The following CTNNA2 variants were observed in gnomAD, a reference collection of about 807,000 sequenced individuals.
CTNNA2 encodes the protein catenin alpha 2, also known as catenin alpha-2.
Under a neutral mutation model 101.0 loss-of-function variants are expected in CTNNA2, and 42 were observed. The observed-to-expected ratio is 0.42, with a 90% confidence interval of 0.32 to 0.54. The LOEUF (loss-of-function observed/expected upper bound fraction) is 0.54, where lower values mean the gene tolerates loss of function less well. Among genes scored for constraint, CTNNA2 ranks in the 20% least tolerant of loss-of-function variants. The pLI, the probability that CTNNA2 is intolerant of heterozygous loss-of-function variation, is 0.14. For synonymous variants in CTNNA2, 450 were observed against 456.4 expected, an observed-to-expected ratio of 0.99 and a Z score of 0.18; for missense variants, 871 against 1,223.1, an observed-to-expected ratio of 0.71 and a Z score of 4.29.
chr2:79,438,392 G>A (rs887642596), intron 4 of CTNNA2, among the ~76,000 whole-genome samples: 2 of 152,260 alleles, frequency 1.3e-5, no homozygotes, highest in East Asian at 3.9e-4. Context: ...GCCAGAGATG[G>A]CCTCCTTTTT....
chr2:79,505,735 G>A (rs989185436), intron 5 of CTNNA2, among the ~76,000 whole-genome samples: 1 of 152,204 alleles, frequency 6.6e-6, no homozygotes, highest in Non-Finnish European at 1.5e-5. Context: ...GTTAGAGTGG[G>A]AATAGATGGG....
chr2:80,602,872 T>C (rs886516497), intron 15 of CTNNA2, among the ~76,000 whole-genome samples: 1 of 152,110 alleles, frequency 6.6e-6, no homozygotes, highest in Non-Finnish European at 1.5e-5. Flanking sequence ...AAACCCAGTA[T>C]ATTTTACTTA....
At chr2:79,523,753 A>G (rs1672247846) in intron 1 of CTNNA2, among the ~76,000 whole-genome samples, 1 of 152,166 alleles carries the variant, frequency 6.6e-6, no homozygotes, top group African/African-American at 2.4e-5. Flanking sequence ...ATACGTGATA[A>G]TTTTAAACTT....
chr2:80,053,707 A>G (rs1002980417), intron 7 of CTNNA2, among the ~76,000 whole-genome samples: 3 of 151,990 alleles, frequency 2.0e-5, no homozygotes, highest in African/African-American at 4.8e-5. Context: ...CACACTTACA[A>G]CCTCCCTGAA....
chr2:79,503,907 A>G (rs374921265), intron 4 of CTNNA2, among the ~76,000 whole-genome samples: 10 of 152,190 alleles, frequency 6.6e-5, no homozygotes, highest in African/African-American at 2.4e-4. Context: ...GATCCTGATT[A>G]CCAAGGAGAA....
intron 2 of CTNNA2, among the ~76,000 whole-genome samples, chr2:79,733,700 A>G (rs116730755): frequency 0.036 from 5,528 of 152,240 alleles, 108 homozygotes; most frequent in South Asian, 0.051. Flanking sequence ...TACATGAAAC[A>G]GTAGTCAGGA....
intron 7 of CTNNA2, among the ~76,000 whole-genome samples, chr2:80,181,534 T>C (rs188294362): frequency 2.9e-4 from 44 of 152,270 alleles, no homozygotes; most frequent in African/African-American, 9.4e-4. Context: ...GTCAAGAGCT[T>C]GTGTCTGATT....
intron 4 of CTNNA2, among the ~76,000 whole-genome samples, chr2:79,864,846 G>A (rs1280259546): frequency 6.6e-6 from 1 of 152,102 alleles, no homozygotes; most frequent in African/African-American, 2.4e-5. Flanking sequence ...CTTCTGACAG[G>A]TTATACAACT....
chr2:79,574,480 G>T (rs1203060632), intron 1 of CTNNA2, among the ~76,000 whole-genome samples: 1 of 152,096 alleles, frequency 6.6e-6, no homozygotes, highest in Non-Finnish European at 1.5e-5. Context: ...TTGGTTTTCT[G>T]TTCCTGTGTT....
At chr2:79,602,604 A>G (rs1677619655) in intron 1 of CTNNA2, among the ~76,000 whole-genome samples, 1 of 152,172 alleles carries the variant, frequency 6.6e-6, no homozygotes, top group Non-Finnish European at 1.5e-5. Flanking sequence ...TGTTCTTAAA[A>G]TTGTTTAAAG....
intron 9 of CTNNA2, among the ~76,000 whole-genome samples, chr2:80,425,935 G>A (rs1221834411): frequency 2.0e-5 from 3 of 151,328 alleles, no homozygotes; most frequent in Non-Finnish European, 4.4e-5. Flanking sequence ...AGAAGCTTTT[G>A]TTGTTGTTGT....
intron 17 of CTNNA2, among the ~76,000 whole-genome samples, chr2:80,615,543 A>AT (rs34574552): frequency 0.57 from 85,651 of 150,908 alleles, 24,637 homozygotes; most frequent in African/African-American, 0.64. Flanking sequence ...GTCTATGTTT[A>AT]TTTTTTTTCC....
chr2:79,768,119 T>C (rs765855082), intron 3 of CTNNA2, among the ~76,000 whole-genome samples: 5 of 151,746 alleles, frequency 3.3e-5, no homozygotes, highest in Non-Finnish European at 5.9e-5. Context: ...GTCTACATGC[T>C]CCCTCTGTGG....
Position 80,095,997 on chromosome 2 carries a change from A to C in CTNNA2, c.1056+186200A>C, listed in dbSNP as rs548758230. On this transcript the variant is annotated intron_variant, in intron 7 of 18. Transcript: ENST00000402739. ...TTTTTGAAGGGTTTTTTGTGTCTCT[A>C]TTTCCTTCAGTTCTGCTCTGATCTT... 2.7e-3 allele frequency among the ~76,000 whole-genome samples: 413 copies of C among 151,786 alleles called. 2 individuals are homozygous for C. Among genetic ancestry groups the C allele is most frequent in the African/African-American group, 9.1e-3 (377 of 41,340 alleles).
intron 1 of CTNNA2, among the ~76,000 whole-genome samples, chr2:79,570,285 A>T (rs1207943952): frequency 6.6e-6 from 1 of 152,110 alleles, no homozygotes; most frequent in Non-Finnish European, 1.5e-5. Flanking sequence ...TAATATAGCT[A>T]GTTTCTCTTA....
chr2:80,339,191 ATGTG>A (rs1354329982), intron 7 of CTNNA2, among the ~76,000 whole-genome samples: 3 of 151,770 alleles, frequency 2.0e-5, no homozygotes, highest in Non-Finnish European at 4.4e-5. Flanking sequence ...GTGTGTGCAC[ATGTG>A]TGTGTGTGTA....
At chr2:80,587,589 C>T (rs1029657513) in intron 14 of CTNNA2, among the ~76,000 whole-genome samples, 1 of 152,136 alleles carries the variant, frequency 6.6e-6, no homozygotes, top group Non-Finnish European at 1.5e-5. Context: ...CTACAGAGCC[C>T]CTGTTGAACC....
At chr2:79,778,971 C>G (rs1033959521) in intron 3 of CTNNA2, among the ~76,000 whole-genome samples, 1 of 152,176 alleles carries the variant, frequency 6.6e-6, no homozygotes, top group East Asian at 1.9e-4. Context: ...CCAAAGTTTG[C>G]TAATTCCTGT....
At chr2:80,233,767 G>T (rs1709390280) in intron 7 of CTNNA2, among the ~76,000 whole-genome samples, 1 of 152,236 alleles carries the variant, frequency 6.6e-6, no homozygotes, top group African/African-American at 2.4e-5. Context: ...CACCCACTAA[G>T]TTAGGGATTG....
Sources: gnomAD v4.1 joint callset for allele counts (sites outside exome capture counted in the v4.1 genomes callset) on GRCh38, gnomAD v4.1.1 for gene constraint, MANE v1.5 for transcripts, NCBI Gene and HGNC (gene_info 2026-07-23, HGNC 2026-07-21) for gene names.